The following ASAP2 variants were observed in gnomAD, a reference collection of about 807,000 sequenced individuals.
ASAP2 encodes the protein arf-GAP with SH3 domain, ANK repeat and PH domain-containing protein 2.
In ASAP2, 45 loss-of-function variants were observed where a neutral mutation model predicts 131.4. The ratio of observed to expected loss-of-function variants is 0.34; its 90% CI spans 0.27 to 0.44. The LOEUF is 0.44. Among genes scored for constraint, ASAP2 ranks in the 20% least tolerant of loss-of-function variants. The pLI, the probability that ASAP2 is intolerant of heterozygous loss-of-function variation, is 1.00. For missense variants in ASAP2, 1,011 were observed against 1,297.0 expected (o/e 0.78, Z 3.39); for synonymous variants, 510 against 503.0 (o/e 1.01, Z -0.19).
At chr2:9,288,952 C>A (rs561045128) in intron 2 of ASAP2, among the ~76,000 whole-genome samples, 1 of 152,308 alleles carries the variant, frequency 6.6e-6, no homozygotes, top group East Asian at 1.9e-4. Context: ...GAGGAAATTC[C>A]TCTAAATGTC....
intron 16 of ASAP2, among the ~76,000 whole-genome samples, chr2:9,374,269 G>T (rs548338617): frequency 9.8e-5 from 15 of 152,338 alleles, no homozygotes; most frequent in African/African-American, 3.1e-4. Context: ...CAAAAAAGAG[G>T]TCATAGTCCA....
chr2:9,298,380 G>A (rs1668279262), intron 3 of ASAP2, among the ~76,000 whole-genome samples: 2 of 152,360 alleles, frequency 1.3e-5, no homozygotes, highest in South Asian at 4.1e-4. Flanking sequence ...CTAATGGGAA[G>A]GGGAAGAGCA....
chr2:9,401,175 C>T (rs1269090984), intron 26 of ASAP2, 99 bp from the exon 27 acceptor site: 47 of 1,478,032 alleles, frequency 3.2e-5, no homozygotes, highest in Admixed American at 1.4e-4. Flanking sequence ...GGCCTAGGTA[C>T]GGGACTCCTG....
chr2:9,391,655 A>G lies in ASAP2; in HGVS notation c.2518+459A>G, dbSNP rs138890246. 1.2e-3 allele frequency among the ~76,000 whole-genome samples: 178 copies of G among 149,080 alleles called. 1 individual carries two copies. The highest frequency in any genetic ancestry group is 3.6e-3 in the African/African-American group (146 of 40,420). Reference sequence around the variant, plus strand: ...AATGGCACAATCTTGGCTTGCTGCAACCTCTGCCTCCCGGGTTCAAGAGAT... The same window carrying G: ...AATGGCACAATCTTGGCTTGCTGCAGCCTCTGCCTCCCGGGTTCAAGAGAT... On this transcript the variant is annotated intron_variant, in intron 23 of 27. Coordinates refer to ENST00000281419, the MANE Select transcript of ASAP2 (RefSeq NM_003887.3).
At chr2:9,342,721 G>A (rs75580202) in intron 9 of ASAP2, among the ~76,000 whole-genome samples, 2,518 of 152,278 alleles carry the variant, frequency 0.017, 86 homozygotes, top group African/African-American at 0.057. Flanking sequence ...AAATCCAAGA[G>A]GCTGCCTGTG....
At chr2:9,387,589 T>C (rs147606089) in intron 21 of ASAP2, among the ~76,000 whole-genome samples, 191 of 152,262 alleles carry the variant, frequency 1.3e-3, no homozygotes, top group African/African-American at 4.3e-3. Context: ...CCCTGTGGGG[T>C]AGCATAAGAA....
chr2:9,283,730 T>C (rs1363734140), intron 2 of ASAP2, among the ~76,000 whole-genome samples: 1 of 152,214 alleles, frequency 6.6e-6, no homozygotes, highest in African/African-American at 2.4e-5. Context: ...GGTGTCAGTG[T>C]GGATGGGTTC....
intron 24 of ASAP2, chr2:9,399,675 C>T: frequency 3.0e-6 from 1 of 334,976 alleles, no homozygotes; most frequent in Non-Finnish European, 5.6e-6. Context: ...TTCAGCCCTG[C>T]CCTTTCATGT....
At chr2:9,401,708 G>A (rs1260453572) in intron 27 of ASAP2, among the ~76,000 whole-genome samples, 1 of 152,220 alleles carries the variant, frequency 6.6e-6, no homozygotes, top group East Asian at 1.9e-4. Flanking sequence ...CCCATTGCTG[G>A]ATTAGTGGAA....
chr2:9,397,822 G>A (rs1170845545), intron 24 of ASAP2, among the ~76,000 whole-genome samples: 4 of 127,400 alleles, frequency 3.1e-5, no homozygotes, highest in African/African-American at 1.2e-4. Context: ...GCAGTGGCTC[G>A]ATCTCTGCTC....
chr2:9,342,299 C>T (rs1269680265), intron 9 of ASAP2, among the ~76,000 whole-genome samples: 2 of 152,344 alleles, frequency 1.3e-5, no homozygotes, highest in East Asian at 3.9e-4. Context: ...CAGTGTGGTA[C>T]TGGCATAAGG....
At chr2:9,259,389 T>C (rs1327999919) in intron 1 of ASAP2, among the ~76,000 whole-genome samples, 1 of 152,166 alleles carries the variant, frequency 6.6e-6, no homozygotes, top group Non-Finnish European at 1.5e-5. Flanking sequence ...CTGCCCTTCC[T>C]TGCGTCTGCC....
At chr2:9,208,978 G>T (rs1661345006) in intron 1 of ASAP2, among the ~76,000 whole-genome samples, 1 of 150,168 alleles carries the variant, frequency 6.7e-6, no homozygotes, top group African/African-American at 2.5e-5. Flanking sequence ...AAGCAAACAA[G>T]AATTGCTATT....
intron 1 of ASAP2, among the ~76,000 whole-genome samples, chr2:9,276,547 T>C (rs1209588548): frequency 6.6e-6 from 1 of 152,108 alleles, no homozygotes; most frequent in African/African-American, 2.4e-5. Context: ...TTCTCTTTTT[T>C]TTCTTTTTGA....
At chr2:9,309,825 T>TA (rs541107095) in intron 3 of ASAP2, among the ~76,000 whole-genome samples, 5 of 152,246 alleles carry the variant, frequency 3.3e-5, no homozygotes, top group Admixed American at 6.5e-5. Flanking sequence ...ACTCAATTTT[T>TA]AACTTCATTT....
rs537834642 is a variant in ASAP2, at chr2:9,318,605, C to T, written c.420+7C>T. On this transcript the variant is annotated splice_region_variant and intron_variant, in intron 4 of 27. Transcript: ENST00000281419. ...CCTGAAAGGAGTGAAAGGGGTATGA[C>T]ATTGACACTGTGACACCAGGGGCAG... 7.5e-6 allele frequency: 12 copies of T among 1,601,876 alleles called. No homozygotes were observed. The South Asian group carries it at 7.8e-5, about 10-fold the overall frequency.
chr2:9,327,392 G>A (rs1256937988), intron 6 of ASAP2, among the ~76,000 whole-genome samples: 2 of 152,162 alleles, frequency 1.3e-5, no homozygotes, highest in African/African-American at 4.8e-5. Context: ...TATTTTCCTT[G>A]TAAGGGAAAT....
chr2:9,393,619 C>A lies in ASAP2; in HGVS notation c.2656C>A (p.Arg886Ser). The change falls in exon 24 of 28, where the codon CGC (arginine) becomes AGC (serine). Residue 886 changes from arginine to serine, a missense_variant. Transcript: ENST00000281419. ...PPPLPPQPPS[R>S]LPQKKPAPGA... ...ACCTCTGCCCCCACAGCCGCCCAGC[C>A]GCCTCCCGCAGAAGAAGCCTGCGCC... 1 of 1,586,224 alleles carries A rather than the reference C, an allele frequency of 6.3e-7. No individual in the cohort carries two copies. Among genetic ancestry groups the A allele is most frequent in the Admixed American group, 1.7e-5 (1 of 57,378 alleles).
At chr2:9,337,140 G>T (rs1056233131) in intron 9 of ASAP2, among the ~76,000 whole-genome samples, 3 of 152,228 alleles carry the variant, frequency 2.0e-5, no homozygotes, top group African/African-American at 7.2e-5. Context: ...GCCCCTGATT[G>T]CACAGAGGGA....
Sources: allele counts gnomAD v4.1 joint callset (sites outside exome capture counted in the v4.1 genomes callset), GRCh38; gene constraint gnomAD v4.1.1; transcripts MANE v1.5; gene names NCBI Gene and HGNC (gene_info 2026-07-23, HGNC 2026-07-21).